Variants in FMNL2 observed in about 807,000 individuals in gnomAD.
FMNL2 encodes the protein formin like 2.
Under a neutral mutation model 130.2 loss-of-function variants are expected in FMNL2, and 51 were observed. That is an observed-to-expected ratio of 0.39 (90% CI 0.31 to 0.49). The LOEUF (loss-of-function observed/expected upper bound fraction) is 0.49. FMNL2 is among the 20% of genes least tolerant of loss of function. The pLI, the probability that FMNL2 is intolerant of heterozygous loss-of-function variation, is 0.85. For synonymous variants in FMNL2, 465 were observed against 467.1 expected (o/e 1.00, Z 0.06); for missense variants, 977 against 1,316.2 (o/e 0.74, Z 3.99).
At chr2:152,603,579 T>C (rs750191334) in intron 9 of FMNL2, among the ~76,000 whole-genome samples, 3 of 150,808 alleles carry the variant, frequency 2.0e-5, no homozygotes, top group Non-Finnish European at 3.0e-5. Flanking sequence ...TTGGGATCCT[T>C]ATCCACCATG....
intron 9 of FMNL2, among the ~76,000 whole-genome samples, chr2:152,606,360 T>A (rs1041341812): frequency 2.6e-5 from 4 of 152,196 alleles, no homozygotes; most frequent in African/African-American, 9.7e-5. Flanking sequence ...GGTATAGGAC[T>A]TTGCCCCAAA....
intron 1 of FMNL2, among the ~76,000 whole-genome samples, chr2:152,472,664 C>T (rs533321041): frequency 2.0e-5 from 3 of 152,296 alleles, no homozygotes; most frequent in Middle Eastern, 3.4e-3. Flanking sequence ...ACATCAGGCT[C>T]CAGGCAATTC....
intron 1 of FMNL2, among the ~76,000 whole-genome samples, chr2:152,395,780 C>T (rs1194267611): frequency 2.0e-5 from 3 of 151,536 alleles, no homozygotes; most frequent in East Asian, 3.9e-4. Context: ...ACAGTTTGTT[C>T]TTTGGATAAT....
At chr2:152,457,740 C>T (rs12468231) in intron 1 of FMNL2, among the ~76,000 whole-genome samples, 11,993 of 152,298 alleles carry the variant, frequency 0.079, 1,128 homozygotes, top group East Asian at 0.51. Flanking sequence ...AGAAGTCCAA[C>T]ATGGGTCCCA....
intron 21 of FMNL2, among the ~76,000 whole-genome samples, chr2:152,634,070 G>C (rs1682376512): frequency 6.6e-6 from 1 of 152,224 alleles, no homozygotes; most frequent in Non-Finnish European, 1.5e-5. Flanking sequence ...CTACTGCACT[G>C]TTTTAGTAGG....
chr2:152,452,767 G>A (rs944655988), intron 1 of FMNL2, among the ~76,000 whole-genome samples: 3 of 152,012 alleles, frequency 2.0e-5, no homozygotes, highest in Non-Finnish European at 2.9e-5. Flanking sequence ...TCGAGGGCCC[G>A]ATGGGGAGGG....
In FMNL2 at chr2:152,619,631, G is replaced by C. The variant is rs565900021; in HGVS notation, c.1750G>C (p.Ala584Pro). 4 of 1,557,446 alleles carry C rather than the reference G, an allele frequency of 2.6e-6. No homozygotes were observed. Among genetic ancestry groups the C allele is most frequent in the South Asian group, 2.2e-5 (2 of 89,336 alleles). Residue 584 changes from alanine (A) to proline (P), a missense_variant, in exon 15 of 26, where the codon GCT becomes CCT. Transcript: ENST00000288670. The part of the protein sequence containing the change: ...LPGPAAETVP[A>P]PPLAPPLPSA... ...AGGCCCTGCAGCTGAGACTGTACCA[G>C]CTCCTCCCTTAGCACCTCCCCTTCC...
chr2:152,393,009 C>A (rs1685201344), intron 1 of FMNL2, among the ~76,000 whole-genome samples: 1 of 152,116 alleles, frequency 6.6e-6, no homozygotes, highest in African/African-American at 2.4e-5. Context: ...TCTTTCAGGC[C>A]TCCAGCAGGT....
chr2:152,424,340 A>G (rs1687069137), intron 1 of FMNL2, among the ~76,000 whole-genome samples: 1 of 151,378 alleles, frequency 6.6e-6, no homozygotes, highest in African/African-American at 2.4e-5. Flanking sequence ...TGTGTAATGT[A>G]CTTGGGATTT....
At chr2:152,382,062 G>A (rs948207518) in intron 1 of FMNL2, among the ~76,000 whole-genome samples, 2 of 152,198 alleles carry the variant, frequency 1.3e-5, no homozygotes, top group Non-Finnish European at 2.9e-5. Flanking sequence ...GCCTCCCAAA[G>A]TGCTGGGATT....
chr2:152,570,366 G>T (rs1175198395), intron 6 of FMNL2, among the ~76,000 whole-genome samples: 1 of 147,454 alleles, frequency 6.8e-6, no homozygotes, highest in Non-Finnish European at 1.5e-5. Flanking sequence ...TTATGTAGAA[G>T]AGGGGCTGGG....
chr2:152,620,199 G>A (rs1441154203), intron 15 of FMNL2, among the ~76,000 whole-genome samples: 1 of 152,084 alleles, frequency 6.6e-6, no homozygotes, highest in African/African-American at 2.4e-5. Context: ...AGGCTTCCAG[G>A]CATGTCTTCT....
At chr2:152,586,148 T>C (rs569366001) in intron 9 of FMNL2, among the ~76,000 whole-genome samples, 1 of 152,274 alleles carries the variant, frequency 6.6e-6, no homozygotes, top group Non-Finnish European at 1.5e-5. Flanking sequence ...CATCTGGCTT[T>C]AGCAAAAAAG....
chr2:152,432,521 T>G (rs974511146), intron 1 of FMNL2, among the ~76,000 whole-genome samples: 14 of 152,172 alleles, frequency 9.2e-5, no homozygotes, highest in Non-Finnish European at 1.9e-4. Flanking sequence ...CTTTCCTGTC[T>G]CCTCCCTTTG....
chr2:152,609,944 T>A (rs1438650153), intron 10 of FMNL2, among the ~76,000 whole-genome samples: 5 of 152,216 alleles, frequency 3.3e-5, no homozygotes, highest in Non-Finnish European at 5.9e-5. Context: ...TGATAGTCAC[T>A]GTGGAAAGCA....
chr2:152,531,824 G>T (rs536488286), intron 2 of FMNL2, among the ~76,000 whole-genome samples: 1 of 152,136 alleles, frequency 6.6e-6, no homozygotes, highest in Non-Finnish European at 1.5e-5. Context: ...TAAGATGTAG[G>T]TCTTCATGTT....
intron 1 of FMNL2, among the ~76,000 whole-genome samples, 188 bp downstream of exon 1, chr2:152,335,908 T>C (rs1367370715): frequency 6.6e-6 from 1 of 150,854 alleles, no homozygotes; most frequent in Non-Finnish European, 1.5e-5. Flanking sequence ...CCGCGCTCAG[T>C]CTCTCGGGGT....
At chr2:152,583,342 C>T (rs942419790) in intron 9 of FMNL2, among the ~76,000 whole-genome samples, 1 of 152,140 alleles carries the variant, frequency 6.6e-6, no homozygotes, top group African/African-American at 2.4e-5. Flanking sequence ...CCAAACCCTG[C>T]TGGTGTCTAG....
chr2:152,449,573 G>T (rs532253525), intron 1 of FMNL2, among the ~76,000 whole-genome samples: 1 of 152,264 alleles, frequency 6.6e-6, no homozygotes. Flanking sequence ...TTAGCTTCCA[G>T]AGAGGAGGGA....
Sources: gnomAD v4.1 joint callset for allele counts (sites outside exome capture counted in the v4.1 genomes callset) on GRCh38, gnomAD v4.1.1 for gene constraint, MANE v1.5 for transcripts, NCBI Gene and HGNC (gene_info 2026-07-23, HGNC 2026-07-21) for gene names.